Variants in SH2D4B observed in about 807,000 individuals in gnomAD.
The protein encoded by SH2D4B is SH2 domain-containing protein 4B.
In SH2D4B, 45 loss-of-function variants were observed where a neutral mutation model predicts 61.5. The ratio of observed to expected loss-of-function variants is 0.73; its 90% confidence interval spans 0.58 to 0.94. SH2D4B has a LOEUF of 0.94. Ranked by LOEUF, SH2D4B falls within the 40% of genes least tolerant of loss-of-function variation. The pLI is 0.00. For missense variants in SH2D4B, 572 were observed against 574.2 expected (o/e 1.00, Z 0.04); for synonymous variants, 224 against 220.4 (o/e 1.02, Z -0.14).
chr10:80,625,042 A>G (rs1008076241), intron 6 of SH2D4B, among the ~76,000 whole-genome samples: 2 of 152,156 alleles, frequency 1.3e-5, no homozygotes, highest in Non-Finnish European at 2.9e-5. Flanking sequence ...TATTTTGTCC[A>G]TTATTTCTTT....
In SH2D4B at chr10:80,588,672, C is replaced by A; in HGVS notation, c.538C>A (p.Arg180Ser). The A allele has an allele frequency of 1.9e-6, 3 of 1,614,004 alleles. No individual in the cohort carries two copies. Among genetic ancestry groups the A allele is most frequent in the East Asian group, 2.2e-5 (1 of 44,874 alleles). The change falls in exon 4 of 8, where the codon CGC (arginine) becomes AGC (serine). Residue 180 changes from arginine to serine, a missense_variant. Physicochemically the swap from Arg to Ser is moderately radical, Grantham distance 110. Transcript: ENST00000646907. ...EERKRGEEQI[R>S]LQEEQRAKEL... is the part of the protein sequence containing the mutation. Reference sequence around the variant, plus strand: ...GAGGAAGCGAGGAGAAGAGCAGATTCGCCTCCAGGAAGAGCAGAGGGCGAA... The same window carrying A: ...GAGGAAGCGAGGAGAAGAGCAGATTAGCCTCCAGGAAGAGCAGAGGGCGAA...
intron 1 of SH2D4B, among the ~76,000 whole-genome samples, chr10:80,550,409 T>C (rs922151964): frequency 6.6e-6 from 1 of 151,976 alleles, no homozygotes; most frequent in African/African-American, 2.4e-5. Context: ...CTGGCTAACA[T>C]GGTGAAACCC....
chr10:80,609,351 C>T (rs1842563801), intron 5 of SH2D4B, 73 bp from the exon 6 acceptor site: 16 of 1,542,112 alleles, frequency 1.0e-5, no homozygotes, highest in African/African-American at 1.4e-5. Context: ...CTTTCCTTCC[C>T]CTCTGCCTTC....
intron 6 of SH2D4B, among the ~76,000 whole-genome samples, chr10:80,622,004 A>T (rs1450457814): frequency 6.6e-6 from 1 of 152,036 alleles, no homozygotes; most frequent in African/African-American, 2.4e-5. Context: ...TACAGGTGTG[A>T]GCCACCACGC....
chr10:80,629,574 G>A (rs1263304673), intron 6 of SH2D4B, among the ~76,000 whole-genome samples: 1 of 152,162 alleles, frequency 6.6e-6, no homozygotes, highest in Non-Finnish European at 1.5e-5. Flanking sequence ...TGTGTCAGGG[G>A]TTGTGGTGGG....
chr10:80,587,429 G>A (rs1842272976), intron 3 of SH2D4B, among the ~76,000 whole-genome samples: 1 of 152,026 alleles, frequency 6.6e-6, no homozygotes, highest in African/African-American at 2.4e-5. Flanking sequence ...ACACACATGC[G>A]CCACCATGCT....
At chr10:80,628,610 G>GGTT (rs757723862) in intron 6 of SH2D4B, among the ~76,000 whole-genome samples, 140 of 152,278 alleles carry the variant, frequency 9.2e-4, no homozygotes, top group Middle Eastern at 6.8e-3. Context: ...TCTCTTGAGG[G>GGTT]GTTGGGTTTT....
chr10:80,598,087 C>G (rs2132136093), intron 4 of SH2D4B, among the ~76,000 whole-genome samples: 1 of 152,338 alleles, frequency 6.6e-6, no homozygotes, highest in African/African-American at 2.4e-5. Flanking sequence ...GGAAGGAGCA[C>G]TGGACTGGGA....
At chr10:80,550,792 A>G (rs1419119097) in intron 1 of SH2D4B, among the ~76,000 whole-genome samples, 1 of 152,214 alleles carries the variant, frequency 6.6e-6, no homozygotes, top group Non-Finnish European at 1.5e-5. Context: ...CCTGCTCTAA[A>G]AAACAAGTAG....
chr10:80,607,694 A>G (rs1008800948), intron 5 of SH2D4B, among the ~76,000 whole-genome samples: 1 of 152,236 alleles, frequency 6.6e-6, no homozygotes, highest in Non-Finnish European at 1.5e-5. Context: ...GTGAGGGTAC[A>G]GGGCAAATAT....
chr10:80,569,455 C>G (rs1365842098), intron 1 of SH2D4B, among the ~76,000 whole-genome samples: 1 of 148,930 alleles, frequency 6.7e-6, no homozygotes, highest in Admixed American at 6.8e-5. Flanking sequence ...GGAGACCCAG[C>G]GAACCGAGAA....
At chr10:80,602,974 G>A (rs1044597468) in intron 4 of SH2D4B, among the ~76,000 whole-genome samples, 4 of 152,114 alleles carry the variant, frequency 2.6e-5, no homozygotes, top group Admixed American at 6.5e-5. Flanking sequence ...TTTACTTTGG[G>A]CTAGTTACTT....
chr10:80,582,257 C>T (rs1024580967), intron 3 of SH2D4B, among the ~76,000 whole-genome samples: 54 of 152,228 alleles, frequency 3.5e-4, no homozygotes, highest in Admixed American at 1.6e-3. Flanking sequence ...AGGAGGGAAA[C>T]GGGGAGATTA....
At chr10:80,580,385 C>T (rs1475552623) in intron 3 of SH2D4B, among the ~76,000 whole-genome samples, 1 of 152,156 alleles carries the variant, frequency 6.6e-6, no homozygotes, top group Non-Finnish European at 1.5e-5. Context: ...CCTTAGGGTA[C>T]ATCCTCTGTA....
chr10:80,644,108 T>G lies in SH2D4B; in HGVS notation c.*23T>G. 1 of 1,586,240 alleles carries G rather than the reference T, an allele frequency of 6.3e-7. No homozygotes were observed. The highest frequency in any genetic ancestry group is 1.1e-5 in the South Asian group (1 of 90,322). On this transcript the variant is annotated 3_prime_UTR_variant, in exon 8 of 8. Coordinates refer to ENST00000646907, the MANE Select transcript of SH2D4B (RefSeq NM_001388272.1). ...TAATTTTTTTCCTTATCAATTGGAT[T>G]CATTTTGGTATCCTGTTTTTGAACT...
At chr10:80,601,610 C>G (rs1035934903) in intron 4 of SH2D4B, among the ~76,000 whole-genome samples, 1 of 152,220 alleles carries the variant, frequency 6.6e-6, no homozygotes, top group Non-Finnish European at 1.5e-5. Context: ...AGTTCACAGC[C>G]TAGTGGATAT....
At chr10:80,603,366 C>T (rs910794427) in intron 4 of SH2D4B, among the ~76,000 whole-genome samples, 1 of 152,116 alleles carries the variant, frequency 6.6e-6, no homozygotes, top group Non-Finnish European at 1.5e-5. Context: ...TAGGGCTGGG[C>T]GGGGCCTGCT....
intron 1 of SH2D4B, chr10:80,540,794 G>C: frequency 6.5e-7 from 1 of 1,544,618 alleles, no homozygotes; most frequent in Non-Finnish European, 8.7e-7. Context: ...CAGCCAACTC[G>C]AGTGCCAAGG....
intron 7 of SH2D4B, among the ~76,000 whole-genome samples, chr10:80,635,077 C>A (rs58626349): frequency 0.033 from 5,054 of 152,264 alleles, 290 homozygotes; most frequent in African/African-American, 0.11. Context: ...GTGAATAATA[C>A]TTAGCTCGGA....
Sources: gnomAD v4.1 joint callset for allele counts (sites outside exome capture counted in the v4.1 genomes callset) on GRCh38, gnomAD v4.1.1 for gene constraint, MANE v1.5 for transcripts, NCBI Gene and HGNC (gene_info 2026-07-23, HGNC 2026-07-21) for gene names.